The following GK3 variants were observed in gnomAD, a reference collection of about 807,000 sequenced individuals.
The protein encoded by GK3 is glycerol kinase 3 pseudogene.
chr4:165,279,673 T>G, the GK3 span: 1 of 1,595,420 alleles, frequency 6.3e-7, no homozygotes, highest in Non-Finnish European at 8.6e-7. Flanking sequence ...CGCCCGCGTT[T>G]GCGGCCGGTT....
chr4:165,278,950 A>G, the GK3 span: 42 of 1,463,942 alleles, frequency 2.9e-5, no homozygotes, highest in Non-Finnish European at 3.9e-5. Context: ...AACTCCGAAC[A>G]TGTGGAAGAA....
the GK3 span, chr4:165,278,330 G>C: frequency 5.4e-6 from 6 of 1,110,954 alleles, no homozygotes; most frequent in African/African-American, 6.1e-5. Flanking sequence ...CAGAATGTCT[G>C]CTTGTAGCTG....
the GK3 span, chr4:165,278,774 T>C: frequency 5.4e-5 from 84 of 1,550,904 alleles, no homozygotes; most frequent in African/African-American, 8.1e-5. Flanking sequence ...TACACACTTA[T>C]GGCCTGTATT....
At chr4:165,279,446 C>A in the GK3 span, 5 of 1,600,404 alleles carry the variant, frequency 3.1e-6, no homozygotes, top group East Asian at 1.1e-4. Flanking sequence ...TTTCTCTATA[C>A]ACTCATAGAC....
At chr4:165,279,447 A>G in the GK3 span, 2 of 1,600,894 alleles carry the variant, frequency 1.2e-6, no homozygotes, top group South Asian at 1.1e-5. Flanking sequence ...TTCTCTATAC[A>G]CTCATAGACA....
chr4:165,279,301 A>G, the GK3 span: 1 of 1,548,442 alleles, frequency 6.5e-7, no homozygotes, highest in South Asian at 1.1e-5. Context: ...TTCTTAGATC[A>G]AGCCACACCA....
the GK3 span, chr4:165,279,364 C>T: frequency 1.9e-6 from 3 of 1,582,224 alleles, no homozygotes; most frequent in African/African-American, 2.7e-5. Context: ...CGGTGGTTTC[C>T]CTCTGGTTGC....
At chr4:165,278,662 A>T in the GK3 span, 52 of 1,599,858 alleles carry the variant, frequency 3.3e-5, no homozygotes, top group Non-Finnish European at 3.4e-5. Flanking sequence ...GCCAGCGAAT[A>T]ACAGCACCAG....
chr4:165,278,173 A>C, the GK3 span: 1 of 1,370,554 alleles, frequency 7.3e-7, no homozygotes, highest in South Asian at 1.2e-5. Flanking sequence ...CCTCAGCATT[A>C]ATCTGAGGTT....
the GK3 span, chr4:165,279,688 G>A: frequency 6.5e-7 from 1 of 1,537,740 alleles, no homozygotes; most frequent in Non-Finnish European, 9.0e-7. Flanking sequence ...CCGGTTTCCT[G>A]GGTGACGGCG....
chr4:165,279,567 C>T, the GK3 span: 15 of 1,598,000 alleles, frequency 9.4e-6, no homozygotes, highest in Non-Finnish European at 1.2e-5. Flanking sequence ...GAATTGAAAA[C>T]CAAAAAGCGC....
At chr4:165,279,141 C>T in the GK3 span, 1 of 1,603,128 alleles carries the variant, frequency 6.2e-7, no homozygotes, top group East Asian at 2.2e-5. Flanking sequence ...CGTTTTTCTT[C>T]AACGGCCTTT....
At chr4:165,279,148 C>A in the GK3 span, 52 of 1,602,228 alleles carry the variant, frequency 3.2e-5, no homozygotes, top group Non-Finnish European at 4.4e-5. Flanking sequence ...CTTCAACGGC[C>A]TTTTGAACTT....
the GK3 span, chr4:165,278,021 A>G: frequency 1.2e-5 from 17 of 1,477,076 alleles, no homozygotes; most frequent in South Asian, 1.9e-4. Flanking sequence ...TCCGATTAAC[A>G]TTGCCATGCT....
At chr4:165,279,074 T>C in the GK3 span, 3 of 1,537,900 alleles carry the variant, frequency 2.0e-6, no homozygotes, top group African/African-American at 1.4e-5. Context: ...GACACCTCCA[T>C]TGACGCCTCC....
At chr4:165,278,844 T>C in the GK3 span, 2 of 1,534,122 alleles carry the variant, frequency 1.3e-6, no homozygotes, top group African/African-American at 1.4e-5. Context: ...TGGAAGCACA[T>C]TTGTCCCACC....
the GK3 span, chr4:165,277,937 C>G: frequency 7.4e-6 from 7 of 941,356 alleles, no homozygotes; most frequent in Admixed American, 1.2e-4. Context: ...GTTGTTCTTT[C>G]ATTATGTAAA....
the GK3 span, chr4:165,278,688 C>T: frequency 4.4e-6 from 7 of 1,603,222 alleles, no homozygotes; most frequent in Non-Finnish European, 6.0e-6. Context: ...GCTACAGAAC[C>T]TTCCAAAGCG....
the GK3 span, chr4:165,279,068 C>T: frequency 3.9e-6 from 6 of 1,519,054 alleles, no homozygotes; most frequent in South Asian, 2.2e-5. Context: ...ACAGTGGACA[C>T]CTCCATTGAC....
Sources: gnomAD v4.1 joint callset for allele counts on GRCh38, gnomAD v4.1.1 for gene constraint, MANE v1.5 for transcripts, NCBI Gene and HGNC (gene_info 2026-07-23, HGNC 2026-07-21) for gene names.